The following DENND1A variants were observed in gnomAD, a reference collection of about 807,000 sequenced individuals.
DENND1A encodes DENN domain containing 1A, also known as DENN domain-containing protein 1A.
In DENND1A, 51 loss-of-function variants were observed where a neutral mutation model predicts 113.7. That is an observed-to-expected ratio of 0.45 (90% CI 0.36 to 0.57). DENND1A has a LOEUF of 0.57. Among genes scored for constraint, DENND1A ranks in the 20% least tolerant of loss-of-function variants. The pLI is 0.00. For synonymous variants in DENND1A, 565 were observed against 570.8 expected (o/e 0.99, Z 0.14); for missense variants, 1,258 against 1,395.9 (o/e 0.90, Z 1.57).
intron 2 of DENND1A, among the ~76,000 whole-genome samples, chr9:123,850,490 A>G (rs923000253): frequency 1.3e-5 from 2 of 152,218 alleles, no homozygotes; most frequent in African/African-American, 4.8e-5. Flanking sequence ...CACCAAATAA[A>G]TTTGTGACTC....
rs2042218899 is a variant in DENND1A, at chr9:123,380,433, A to T, written c.*999T>A. The stretch of plus-strand genomic sequence containing the variant: ...TCCTGCTTCCCCGAGGCAGAGACCA[A>T]GTTTGTCCTTTCTACCTGGCCCTGG... On this transcript the variant is annotated 3_prime_UTR_variant, in exon 24 of 24. Coordinates refer to ENST00000394215, the MANE Select transcript of DENND1A (RefSeq NM_001352964.2). 1 of 152,488 alleles carries T rather than the reference A, an allele frequency of 6.6e-6. No individual in the cohort carries two copies. Among genetic ancestry groups the T allele is most frequent in the Non-Finnish European group, 1.5e-5 (1 of 68,054 alleles). The allele number at this position is 152,488 out of a possible 1,614,324, so 9.4% of individuals were successfully genotyped here.
At chr9:123,678,928 G>A (rs1314029255) in intron 5 of DENND1A, among the ~76,000 whole-genome samples, 4 of 152,088 alleles carry the variant, frequency 2.6e-5, no homozygotes, top group African/African-American at 9.7e-5. Flanking sequence ...AATAAACCTC[G>A]GCCGAGTTAA....
intron 9 of DENND1A, among the ~76,000 whole-genome samples, chr9:123,635,019 G>C (rs974483919): frequency 2.0e-5 from 3 of 152,208 alleles, no homozygotes; most frequent in African/African-American, 7.2e-5. Flanking sequence ...GAGACGAGGA[G>C]AAGGCAGTGG....
At chr9:123,921,762 A>G (rs1336726326) in intron 1 of DENND1A, among the ~76,000 whole-genome samples, 2 of 152,214 alleles carry the variant, frequency 1.3e-5, no homozygotes, top group Non-Finnish European at 2.9e-5. Context: ...TCAGAAAAGC[A>G]AACATATAAC....
intron 1 of DENND1A, among the ~76,000 whole-genome samples, chr9:123,918,032 T>A (rs1252807063): frequency 6.7e-6 from 1 of 150,152 alleles, no homozygotes; most frequent in Non-Finnish European, 1.5e-5. Context: ...GAGAATAGCG[T>A]GAGCCCGGAA....
intron 12 of DENND1A, among the ~76,000 whole-genome samples, chr9:123,560,687 C>T (rs2057698238): frequency 1.8e-5 from 2 of 113,304 alleles, no homozygotes; most frequent in African/African-American, 8.8e-5. Flanking sequence ...GAGACCCTGT[C>T]TCAAAAAAAA....
chr9:123,582,829 G>A (rs922410836), intron 12 of DENND1A, among the ~76,000 whole-genome samples: 9 of 152,110 alleles, frequency 5.9e-5, no homozygotes, highest in Non-Finnish European at 2.9e-5. Context: ...CTCCCGAGTA[G>A]CTGGGATTAC....
chr9:123,811,972 A>C (rs550751518), intron 2 of DENND1A, among the ~76,000 whole-genome samples: 164 of 152,286 alleles, frequency 1.1e-3, no homozygotes, highest in African/African-American at 3.8e-3. Flanking sequence ...CATTATGTGA[A>C]TATCATAGAG....
intron 3 of DENND1A, among the ~76,000 whole-genome samples, chr9:123,788,081 A>C (rs1023769724): frequency 6.6e-6 from 1 of 152,096 alleles, no homozygotes; most frequent in African/African-American, 2.4e-5. Flanking sequence ...CACACTGGAG[A>C]AGCAACTTTT....
At chr9:123,786,982 C>T (rs890938543) in intron 3 of DENND1A, among the ~76,000 whole-genome samples, 59 of 151,998 alleles carry the variant, frequency 3.9e-4, no homozygotes, top group African/African-American at 1.4e-3. Context: ...CACCCAAGTT[C>T]AATTCCATTC....
chr9:123,896,797 T>C (rs778309151), intron 1 of DENND1A, among the ~76,000 whole-genome samples: 21 of 151,780 alleles, frequency 1.4e-4, no homozygotes, highest in South Asian at 4.2e-4. Context: ...CTTAAAGAAA[T>C]GATACAAAAT....
chr9:123,688,470 G>C (rs1322116050), intron 5 of DENND1A, among the ~76,000 whole-genome samples: 1 of 152,168 alleles, frequency 6.6e-6, no homozygotes, highest in African/African-American at 2.4e-5. Context: ...TTCCACTAAA[G>C]TTGGTCCCTG....
intron 3 of DENND1A, among the ~76,000 whole-genome samples, chr9:123,772,499 C>T (rs1176305633): frequency 6.6e-6 from 1 of 152,080 alleles, no homozygotes; most frequent in Non-Finnish European, 1.5e-5. Flanking sequence ...GTTTCTCTTG[C>T]CTACACAAGC....
chr9:123,767,579 C>T (rs2131592901), intron 4 of DENND1A, among the ~76,000 whole-genome samples: 2 of 152,238 alleles, frequency 1.3e-5, no homozygotes, highest in Middle Eastern at 6.8e-3. Flanking sequence ...AGAATGTAAT[C>T]ACCCAGACAG....
intron 13 of DENND1A, among the ~76,000 whole-genome samples, chr9:123,541,205 G>T (rs952228054): frequency 1.3e-5 from 2 of 152,126 alleles, no homozygotes; most frequent in African/African-American, 4.8e-5. Flanking sequence ...CAAAGTTGTT[G>T]CATTAAGTAA....
intron 10 of DENND1A, among the ~76,000 whole-genome samples, chr9:123,614,001 A>T (rs2137893974): frequency 6.6e-6 from 1 of 152,334 alleles, no homozygotes; most frequent in South Asian, 2.1e-4. Flanking sequence ...TTTACCTGGA[A>T]GATATCTTTA....
chr9:123,929,142 T>G (rs1385959013), intron 1 of DENND1A, among the ~76,000 whole-genome samples: 2 of 152,194 alleles, frequency 1.3e-5, no homozygotes, highest in Non-Finnish European at 2.9e-5. Context: ...AGCAACAATG[T>G]TTCAGTGGAT....
At chr9:123,603,417 G>A (rs2060015774) in intron 11 of DENND1A, among the ~76,000 whole-genome samples, 1 of 152,206 alleles carries the variant, frequency 6.6e-6, no homozygotes, top group South Asian at 2.1e-4. Context: ...AGACCAAGAT[G>A]AGCTTTGATT....
rs141536634 is a variant in DENND1A, at chr9:123,564,344, C to T, written c.868-6649G>A. ...GACAATCCTATCTATCTCTTTCCATCAATGCTGGCACCTTAAGATTTCTCA... is the reference window on the plus strand; with the variant it reads ...GACAATCCTATCTATCTCTTTCCATTAATGCTGGCACCTTAAGATTTCTCA... On this transcript the variant is annotated intron_variant, in intron 12 of 23. Transcript: ENST00000394215. Among the ~76,000 whole-genome samples, 291 of 152,364 alleles carry T rather than the reference C, an allele frequency of 1.9e-3. 2 individuals are homozygous for T. The highest frequency in any genetic ancestry group is 6.6e-3 in the African/African-American group (273 of 41,590).
Sources: gnomAD v4.1 joint callset for allele counts (sites outside exome capture counted in the v4.1 genomes callset) on GRCh38, gnomAD v4.1.1 for gene constraint, MANE v1.5 for transcripts, NCBI Gene and HGNC (gene_info 2026-07-23, HGNC 2026-07-21) for gene names.